DOCK3: variants seen among roughly 807,000 people sequenced by gnomAD.
DOCK3 encodes dedicator of cytokinesis protein 3.
DOCK3 carries 60 observed loss-of-function variants against 265.6 expected under a neutral mutation model. That is an observed-to-expected ratio of 0.23 (90% confidence interval 0.18 to 0.28). DOCK3 has a LOEUF of 0.28. Among genes scored for constraint, DOCK3 ranks in the 10% least tolerant of loss-of-function variants. DOCK3 has a pLI of 1.00. For synonymous variants in DOCK3, 881 were observed against 938.0 expected, an observed-to-expected ratio of 0.94 and a Z score of 1.11; for missense variants, 1,981 against 2,594.3, an observed-to-expected ratio of 0.76 and a Z score of 5.14.
chr3:50,826,414 G>C (rs1424660189), intron 2 of DOCK3, among the ~76,000 whole-genome samples: 1 of 152,116 alleles, frequency 6.6e-6, no homozygotes, highest in Non-Finnish European at 1.5e-5. Context: ...AAATGATACG[G>C]TGAGATCTCT....
chr3:50,918,901 A>G (rs1211687472), intron 4 of DOCK3, among the ~76,000 whole-genome samples: 2 of 152,182 alleles, frequency 1.3e-5, no homozygotes, highest in African/African-American at 2.4e-5. Flanking sequence ...TAGGTCTAAC[A>G]TTTAAGTCTT....
intron 12 of DOCK3, among the ~76,000 whole-genome samples, chr3:51,190,582 A>G (rs769718982): frequency 6.6e-5 from 10 of 152,160 alleles, no homozygotes; most frequent in Admixed American, 1.3e-4. Flanking sequence ...GTGTTATTCT[A>G]TCTGCAGATT....
At chr3:50,843,959 A>G (rs955955301) in intron 3 of DOCK3, among the ~76,000 whole-genome samples, 1 of 152,212 alleles carries the variant, frequency 6.6e-6, no homozygotes, top group Non-Finnish European at 1.5e-5. Flanking sequence ...ATGCGTTTCT[A>G]TATATCCTTT....
chr3:51,062,097 T>A (rs12489572), intron 5 of DOCK3, among the ~76,000 whole-genome samples: 12 of 152,156 alleles, frequency 7.9e-5, no homozygotes, highest in Admixed American at 7.9e-4. Context: ...CTAAATAGCC[T>A]CCTGACTGGA....
chr3:51,151,125 C>T (rs1171941885), intron 10 of DOCK3, among the ~76,000 whole-genome samples: 4 of 151,916 alleles, frequency 2.6e-5, no homozygotes, highest in South Asian at 2.1e-4. Context: ...AGACTAGGAT[C>T]GCAACCCCTG....
At chr3:51,009,377 T>C (rs1280751832) in intron 5 of DOCK3, among the ~76,000 whole-genome samples, 1 of 152,228 alleles carries the variant, frequency 6.6e-6, no homozygotes, top group Non-Finnish European at 1.5e-5. Context: ...TTTATCCATT[T>C]CTTCTAGATT....
chr3:51,087,114 A>C (rs1560042229), intron 7 of DOCK3, among the ~76,000 whole-genome samples: 1 of 152,218 alleles, frequency 6.6e-6, no homozygotes, highest in Non-Finnish European at 1.5e-5. Context: ...AATTCATCCT[A>C]ACTCATTCTA....
At chr3:50,705,496 A>C (rs1261865528) in intron 1 of DOCK3, among the ~76,000 whole-genome samples, 1 of 151,832 alleles carries the variant, frequency 6.6e-6, no homozygotes, top group Non-Finnish European at 1.5e-5. Flanking sequence ...GCTCACTGCA[A>C]CCTCCGCCTG....
In DOCK3 at chr3:50,746,406, GGAT is replaced by G. The variant is rs1559585451; in HGVS notation, c.38-32265_38-32263del. ...ACAGGCATGAACCACCATGCCCAGCGGATGATATCTAATTTATCAGTTGGTTCT... is the reference window on the plus strand; with the variant it reads ...ACAGGCATGAACCACCATGCCCAGCGGATATCTAATTTATCAGTTGGTTCT... On this transcript the variant is annotated intron_variant, in intron 1 of 52. Coordinates refer to ENST00000266037, the MANE Select transcript of DOCK3 (RefSeq NM_004947.5). Among the ~76,000 whole-genome samples, 3 of 152,020 alleles carry G rather than the reference GGAT, an allele frequency of 2.0e-5. No homozygotes were observed. In the South Asian group the frequency reaches 6.2e-4, roughly 32 times the overall value.
intron 38 of DOCK3, among the ~76,000 whole-genome samples, chr3:51,342,187 A>T (rs2085285632): frequency 6.6e-6 from 1 of 152,266 alleles, no homozygotes; most frequent in Admixed American, 6.5e-5. Context: ...AGATTTAAAC[A>T]TTAATGGCTT....
chr3:50,774,058 A>G (rs920391348), intron 1 of DOCK3, among the ~76,000 whole-genome samples: 1 of 152,112 alleles, frequency 6.6e-6, no homozygotes. Flanking sequence ...CAGATTACCA[A>G]TAGCAGTTTG....
rs375648307 is a variant in DOCK3 at position 51,374,600 on chromosome 3, C to A, written c.5412+13C>A. The stretch of plus-strand genomic sequence containing the variant: ...GGAGAACGGACAGGTAATAGACCCA[C>A]CACACTGACTGTCCTCTGCTGCAAG... On this transcript the variant is annotated intron_variant, in intron 50 of 52. Coordinates refer to ENST00000266037, the MANE Select transcript of DOCK3 (RefSeq NM_004947.5). The surrounding 1 kb of genome is among the most constrained non-coding windows in gnomAD (Gnocchi z 4.8). 5.6e-6 allele frequency: 9 copies of A among 1,600,054 alleles called. No homozygotes were observed. The highest frequency in any genetic ancestry group is 7.7e-6 in the Non-Finnish European group (9 of 1,171,514).
chr3:51,268,475 G>C (rs2080317279), intron 23 of DOCK3, among the ~76,000 whole-genome samples: 1 of 152,138 alleles, frequency 6.6e-6, no homozygotes, highest in African/African-American at 2.4e-5. Flanking sequence ...ATAGTGTATA[G>C]TTCTTCAACT....
chr3:51,040,795 T>A (rs1032730137), intron 5 of DOCK3, among the ~76,000 whole-genome samples: 2 of 152,202 alleles, frequency 1.3e-5, no homozygotes, highest in African/African-American at 4.8e-5. Flanking sequence ...GAGTAGATTC[T>A]GTCTCAGGAA....
At chr3:51,112,372 G>A (rs905166619) in intron 9 of DOCK3, among the ~76,000 whole-genome samples, 12 of 152,280 alleles carry the variant, frequency 7.9e-5, no homozygotes, top group African/African-American at 2.6e-4. Context: ...TTTATGTAAA[G>A]TTCAAGAATA....
chr3:51,041,272 C>T (rs1361221213), intron 5 of DOCK3, among the ~76,000 whole-genome samples: 23 of 119,442 alleles, frequency 1.9e-4, no homozygotes, highest in Admixed American at 4.4e-4. Context: ...GGCTAGAGTG[C>T]GGTGGTGCGA....
intron 1 of DOCK3, among the ~76,000 whole-genome samples, chr3:50,752,042 G>A (rs540542376): frequency 2.0e-4 from 30 of 152,124 alleles, no homozygotes; most frequent in Middle Eastern, 3.4e-3. Context: ...ATTTGGGTGG[G>A]AACACAGCCA....
chr3:50,857,602 C>G (rs2046665967), intron 3 of DOCK3, among the ~76,000 whole-genome samples: 1 of 151,560 alleles, frequency 6.6e-6, no homozygotes, highest in Non-Finnish European at 1.5e-5. Flanking sequence ...AAAACACCAT[C>G]AAAAAGTGGG....
At chr3:50,819,898 A>G (rs376975059) in intron 2 of DOCK3, among the ~76,000 whole-genome samples, 36 of 152,232 alleles carry the variant, frequency 2.4e-4, no homozygotes, top group African/African-American at 8.4e-4. Flanking sequence ...GGAGGTGGAG[A>G]TTGCAGTGAC....
Sources: allele counts gnomAD v4.1 joint callset (sites outside exome capture counted in the v4.1 genomes callset), GRCh38; gene constraint gnomAD v4.1.1; non-coding constraint Gnocchi (gnomAD v3.1); transcripts MANE v1.5; gene names NCBI Gene and HGNC (gene_info 2026-07-23, HGNC 2026-07-21).